IL4R: variants seen among roughly 807,000 people sequenced by gnomAD.
The protein encoded by IL4R is interleukin-4 receptor subunit alpha.
Under a neutral mutation model 41.5 loss-of-function variants are expected in IL4R, and 17 were observed. The ratio of observed to expected loss-of-function variants is 0.41; its 90% CI spans 0.28 to 0.61. IL4R has a LOEUF of 0.61. Ranked by LOEUF, IL4R falls within the 20% of genes least tolerant of loss-of-function variation. IL4R has a pLI of 0.31. For synonymous variants in IL4R, 402 were observed against 422.9 expected, an observed-to-expected ratio of 0.95 and a Z score of 0.61; for missense variants, 974 against 1,043.1, an observed-to-expected ratio of 0.93 and a Z score of 0.91.
chr16:27,315,320 G>A (rs1366367288), intron 1 of IL4R: 6 of 152,366 alleles, frequency 3.9e-5, no homozygotes, highest in African/African-American at 1.4e-4. Flanking sequence ...CCCAGCCCAT[G>A]AATGGGAGGT....
At position 27,324,412 on chromosome 16, in the gene IL4R, TC is replaced by T. The variant is rs2084897448; in HGVS notation, c.-151-5652del. 2.0e-5 allele frequency among the ~76,000 whole-genome samples: 3 copies of T among 152,168 alleles called. No homozygotes were observed. The South Asian group carries it at 6.2e-4, about 31-fold the overall frequency. ...CCCTGCTCACAGCCAGGGGAATTCATCCTGTCGTTCTTCCATTCAGCAAATA... is the reference window on the plus strand; with the variant it reads ...CCCTGCTCACAGCCAGGGGAATTCATCTGTCGTTCTTCCATTCAGCAAATA... On this transcript the variant is annotated intron_variant, in intron 1 of 10. Coordinates refer to ENST00000395762, the MANE Select transcript of IL4R (RefSeq NM_000418.4).
intron 3 of IL4R, 141 bp from the exon 4 acceptor site, chr16:27,341,980 C>T (rs2085455862): frequency 5.9e-6 from 5 of 846,706 alleles, no homozygotes; most frequent in Admixed American, 2.7e-5. Context: ...AGCCCTGGTC[C>T]TGGCCCCAGC....
Position 27,337,271 on chromosome 16 carries a change from C to T in IL4R, c.-18-2915C>T, listed in dbSNP as rs138963357. ...CAGGGGCCTAGAGCTCCTGAGGTGGCCTTAAGTTCTTATGATGCCCCAGAC... is the reference window on the plus strand; with the variant it reads ...CAGGGGCCTAGAGCTCCTGAGGTGGTCTTAAGTTCTTATGATGCCCCAGAC... On this transcript the variant is annotated intron_variant, in intron 2 of 10. Coordinates refer to ENST00000395762, the MANE Select transcript of IL4R (RefSeq NM_000418.4). 7.4e-3 allele frequency among the ~76,000 whole-genome samples: 1,125 copies of T among 152,066 alleles called. 15 individuals are homozygous for T. The highest frequency in any genetic ancestry group is 0.025 in the African/African-American group (1,049 of 41,494).
chr16:27,363,448 C>G lies in IL4R; in HGVS notation c.2096C>G (p.Ala699Gly). The G allele has an allele frequency of 1.2e-6, 2 of 1,614,046 alleles. No homozygotes were observed. Among genetic ancestry groups the G allele is most frequent in the Non-Finnish European group, 1.7e-6 (2 of 1,179,960 alleles). The change falls in exon 11 of 11, where the codon GCC (alanine) becomes GGC (glycine). Residue 699 changes from alanine to glycine, a missense_variant. Around this residue, in one of 3 missense-constraint regions of IL4R, gnomAD observed 682 missense variants for 704.3 expected, o/e 0.97. Transcript: ENST00000395762. The part of the protein sequence containing the change: ...MPKPPLPQEQ[A>G]TDPLVDSLGS... The stretch of plus-strand genomic sequence containing the variant: ...AAGCCCCCACTTCCCCAGGAGCAGG[C>G]CACAGACCCCCTTGTGGACAGCCTG...
At chr16:27,357,119 A>G (rs1320500943) in intron 8 of IL4R, among the ~76,000 whole-genome samples, 1 of 152,130 alleles carries the variant, frequency 6.6e-6, no homozygotes, top group Non-Finnish European at 1.5e-5. Context: ...TAGGCAGGGA[A>G]TGCAAATTCC....
At chr16:27,341,789 G>T (rs1044960017) in intron 3 of IL4R, among the ~76,000 whole-genome samples, 7 of 152,206 alleles carry the variant, frequency 4.6e-5, no homozygotes, top group African/African-American at 1.7e-4. Context: ...CAGAGGCTTG[G>T]TGTGATGGAA....
At chr16:27,327,771 A>C (rs2084998975) in intron 1 of IL4R, among the ~76,000 whole-genome samples, 1 of 152,150 alleles carries the variant, frequency 6.6e-6, no homozygotes, top group African/African-American at 2.4e-5. Flanking sequence ...TAAAATGGGA[A>C]TGTTAATGGC....
chr16:27,355,804 C>G lies in IL4R; in HGVS notation c.671-4C>G. 6.2e-7 allele frequency: 1 copy of G among 1,609,596 alleles called. No individual in the cohort carries two copies. On this transcript the variant is annotated splice_polypyrimidine_tract_variant and splice_region_variant and intron_variant, in intron 7 of 10. Coordinates refer to ENST00000395762, the MANE Select transcript of IL4R (RefSeq NM_000418.4). ...CAGCTCATGGCTTCCCCTCCCACTT[C>G]CAGCCTACAGGGAGCCCTTCGAGCA...
At chr16:27,321,004 C>T (rs573405712) in intron 1 of IL4R, among the ~76,000 whole-genome samples, 67 of 150,444 alleles carry the variant, frequency 4.5e-4, no homozygotes, top group Non-Finnish European at 4.4e-4. Flanking sequence ...AGTGCAGTGG[C>T]GCAATCTCAG....
chr16:27,344,783 C>A, intron 4 of IL4R, 86 bp from the exon 5 acceptor site: 2 of 1,315,760 alleles, frequency 1.5e-6, no homozygotes, highest in South Asian at 1.3e-5. Context: ...GAGTCTGATG[C>A]GGTTCCTGGA....
At chr16:27,355,985 C>G in intron 8 of IL4R, 78 bp downstream of exon 8, 4 of 880,566 alleles carry the variant, frequency 4.5e-6, no homozygotes, top group Middle Eastern at 2.2e-4. Context: ...TAGTCTGCCC[C>G]TTTGCAGTCC....
chr16:27,353,023 C>T (rs2085932972), intron 7 of IL4R, among the ~76,000 whole-genome samples: 1 of 152,130 alleles, frequency 6.6e-6, no homozygotes, highest in Non-Finnish European at 1.5e-5. Context: ...CTTGTGGTGC[C>T]GTCATTCTCC....
At chr16:27,327,694 C>T (rs1436416914) in intron 1 of IL4R, among the ~76,000 whole-genome samples, 1 of 152,052 alleles carries the variant, frequency 6.6e-6, no homozygotes, top group Non-Finnish European at 1.5e-5. Flanking sequence ...AGTGACAATG[C>T]CTAGGTTATG....
At chr16:27,347,607 C>A (rs1278568515) in intron 6 of IL4R, among the ~76,000 whole-genome samples, 1 of 152,208 alleles carries the variant, frequency 6.6e-6, no homozygotes, top group Non-Finnish European at 1.5e-5. Flanking sequence ...CTGAGTCCCC[C>A]TATTTTTCTG....
intron 8 of IL4R, among the ~76,000 whole-genome samples, chr16:27,358,546 G>C (rs1163493477): frequency 6.6e-6 from 1 of 152,204 alleles, no homozygotes; most frequent in Admixed American, 6.5e-5. Context: ...TTGTTGAGGG[G>C]AACCTAGAAT....
At chr16:27,340,318 C>A (rs779950908) in intron 3 of IL4R, 45 bp downstream of exon 3, 51 of 1,465,548 alleles carry the variant, frequency 3.5e-5, no homozygotes, top group Non-Finnish European at 4.5e-5. Context: ...CTATTAATGG[C>A]GTGCCAGGGT....
chr16:27,313,830 C>A, upstream of IL4R: 1 of 819,148 alleles, frequency 1.2e-6, no homozygotes, highest in Non-Finnish European at 1.5e-6. Context: ...GGCCGGGACC[C>A]GGGCCGGGCG....
intron 7 of IL4R, chr16:27,353,958 C>T (rs1227485867): frequency 1.3e-5 from 2 of 152,224 alleles, no homozygotes; most frequent in African/African-American, 4.8e-5. Context: ...TAGGGCCCCA[C>T]CATTGTCTGT....
chr16:27,359,084 C>A, intron 9 of IL4R, 90 bp downstream of exon 9: 1 of 959,602 alleles, frequency 1.0e-6, no homozygotes, highest in Non-Finnish European at 1.6e-6. Context: ...CCTTCACTGG[C>A]TTCTGGAATG....
Sources: gnomAD v4.1 joint callset for allele counts (sites outside exome capture counted in the v4.1 genomes callset) on GRCh38, gnomAD v4.1.1 for gene constraint, gnomAD v4.1.1 regional missense constraint, MANE v1.5 for transcripts, NCBI Gene and HGNC (gene_info 2026-07-23, HGNC 2026-07-21) for gene names.